The following ROR1 variants were observed in gnomAD, a reference collection of about 807,000 sequenced individuals.
The protein encoded by ROR1 is inactive tyrosine-protein kinase transmembrane receptor ROR1.
ROR1 carries 19 observed loss-of-function variants against 78.8 expected under a neutral mutation model. The ratio of observed to expected loss-of-function variants is 0.24; its 90% CI spans 0.17 to 0.35. ROR1 has a LOEUF of 0.35. ROR1 is among the 10% of genes least tolerant of loss of function. The pLI, the probability that ROR1 is intolerant of heterozygous loss-of-function variation, is 1.00. For missense variants in ROR1, 917 were observed against 1,177.8 expected (o/e 0.78, Z 3.24); for synonymous variants, 386 against 433.6 (o/e 0.89, Z 1.36).
At chr1:63,917,799 G>A (rs929930991) in intron 1 of ROR1, among the ~76,000 whole-genome samples, 1 of 152,152 alleles carries the variant, frequency 6.6e-6, no homozygotes, top group Admixed American at 6.5e-5. Context: ...GTTGCCACCT[G>A]CCCCTGGTGG....
At chr1:63,998,033 A>G (rs1237619653) in intron 1 of ROR1, among the ~76,000 whole-genome samples, 2 of 152,118 alleles carry the variant, frequency 1.3e-5, no homozygotes, top group East Asian at 3.9e-4. Flanking sequence ...GCTGGTGTGT[A>G]ACAGAGCTGG....
chr1:63,801,891 T>C (rs1005138607), intron 1 of ROR1, among the ~76,000 whole-genome samples: 10 of 152,220 alleles, frequency 6.6e-5, no homozygotes, highest in Non-Finnish European at 1.0e-4. Flanking sequence ...ACCTAACCTG[T>C]AATACATTTT....
At chr1:63,882,960 G>A (rs1317909639) in intron 1 of ROR1, among the ~76,000 whole-genome samples, 1 of 152,146 alleles carries the variant, frequency 6.6e-6, no homozygotes, top group African/African-American at 2.4e-5. Context: ...AAGATAATCA[G>A]TAGCCTAGCA....
At chr1:63,970,062 T>C (rs1279968418) in intron 1 of ROR1, among the ~76,000 whole-genome samples, 1 of 152,218 alleles carries the variant, frequency 6.6e-6, no homozygotes, top group Non-Finnish European at 1.5e-5. Context: ...GTTTAGAATG[T>C]TCTCTCCCTT....
At position 64,179,925 on chromosome 1, in the gene ROR1, T is replaced by A. The variant is rs1650504886; in HGVS notation, c.*1070T>A. On this transcript the variant is annotated 3_prime_UTR_variant, in exon 9 of 9. Coordinates refer to ENST00000371079, the MANE Select transcript of ROR1 (RefSeq NM_005012.4). Reference sequence around the variant, plus strand: ...CTAGTAATTTTAAAGTTTCTTTCCCTTTTTTTCTGTGCTGGAAATGTTCAC... The same window carrying A: ...CTAGTAATTTTAAAGTTTCTTTCCCATTTTTTCTGTGCTGGAAATGTTCAC... 1 of 152,166 alleles carries A rather than the reference T, an allele frequency of 6.6e-6. No homozygotes were observed. Among genetic ancestry groups the A allele is most frequent in the Non-Finnish European group, 1.5e-5 (1 of 68,026 alleles). 9.4% of individuals were successfully genotyped at this position (152,166 alleles called of 1,614,324 possible).
chr1:64,089,263 G>T (rs1371448326), intron 4 of ROR1, among the ~76,000 whole-genome samples: 1 of 151,806 alleles, frequency 6.6e-6, no homozygotes, highest in African/African-American at 2.4e-5. Context: ...AGGCTGGAGT[G>T]TAGTGGCATA....
chr1:64,055,197 A>T (rs1646864737), intron 4 of ROR1, among the ~76,000 whole-genome samples: 2 of 152,074 alleles, frequency 1.3e-5, no homozygotes, highest in Admixed American at 6.6e-5. Flanking sequence ...GCCATGCAAA[A>T]CTCTTGCAAA....
chr1:64,119,004 G>GTCA (rs1648424142), intron 4 of ROR1, among the ~76,000 whole-genome samples: 1 of 152,202 alleles, frequency 6.6e-6, no homozygotes, highest in African/African-American at 2.4e-5. Context: ...ACCTTGACAG[G>GTCA]TCATCTCTGG....
At chr1:63,995,829 A>T (rs1646332755) in intron 1 of ROR1, among the ~76,000 whole-genome samples, 1 of 152,220 alleles carries the variant, frequency 6.6e-6, no homozygotes, top group Non-Finnish European at 1.5e-5. Context: ...AAGATTGGTT[A>T]GGCGGTTCTC....
At chr1:63,917,973 G>A (rs968886047) in intron 1 of ROR1, among the ~76,000 whole-genome samples, 9 of 152,172 alleles carry the variant, frequency 5.9e-5, no homozygotes, top group Non-Finnish European at 4.4e-5. Context: ...CTAGTGATGG[G>A]CAGAGAGGAT....
intron 1 of ROR1, among the ~76,000 whole-genome samples, chr1:63,818,091 A>C (rs1644903082): frequency 6.6e-6 from 1 of 152,202 alleles, no homozygotes; most frequent in Admixed American, 6.5e-5. Context: ...GAATACTGAG[A>C]TGCAAAAAGA....
intron 2 of ROR1, among the ~76,000 whole-genome samples, chr1:64,042,894 CCTAA>C (rs879374691): frequency 9.8e-5 from 15 of 152,342 alleles, no homozygotes; most frequent in Non-Finnish European, 1.9e-4. Context: ...AATGCGATGA[CCTAA>C]CTGTGTTTGG....
chr1:63,932,616 A>G (rs1293621043), intron 1 of ROR1, among the ~76,000 whole-genome samples: 1 of 152,154 alleles, frequency 6.6e-6, no homozygotes. Context: ...GTTTACACAC[A>G]TTACCTTACC....
rs141249422 is a variant in ROR1, at chr1:64,078,313, G to A, written c.482+27597G>A. On this transcript the variant is annotated intron_variant, in intron 4 of 8. Coordinates refer to ENST00000371079, the MANE Select transcript of ROR1 (RefSeq NM_005012.4). ...CTAGACAAGCAGGGGAGATCATTGC[G>A]GGCACAGGAAACAAAAATGATCTGT... 1.6e-3 allele frequency among the ~76,000 whole-genome samples: 248 copies of A among 152,278 alleles called. 7 individuals are homozygous for A. The South Asian group carries it at 0.033, about 20-fold the overall frequency.
intron 1 of ROR1, among the ~76,000 whole-genome samples, chr1:63,935,879 C>A (rs1475297968): frequency 2.6e-5 from 4 of 152,164 alleles, no homozygotes; most frequent in African/African-American, 9.7e-5. Flanking sequence ...CAGGAACATC[C>A]ACACTTGTGA....
intron 4 of ROR1, among the ~76,000 whole-genome samples, chr1:64,130,630 G>A (rs181384301): frequency 2.0e-5 from 3 of 152,272 alleles, no homozygotes; most frequent in East Asian, 1.9e-4. Context: ...GTTAACTAAG[G>A]TTGCTTCCAG....
intron 1 of ROR1, among the ~76,000 whole-genome samples, chr1:63,960,455 T>G (rs930378683): frequency 2.0e-5 from 3 of 152,196 alleles, no homozygotes; most frequent in African/African-American, 7.2e-5. Context: ...ATCAGCCACT[T>G]GAATAAAATG....
At chr1:63,881,905 T>G (rs972803872) in intron 1 of ROR1, among the ~76,000 whole-genome samples, 3 of 152,168 alleles carry the variant, frequency 2.0e-5, no homozygotes, top group Non-Finnish European at 4.4e-5. Flanking sequence ...ATTAGAACAA[T>G]CTTCCTTGAG....
At chr1:64,170,125 C>T (rs1392182144) in intron 8 of ROR1, among the ~76,000 whole-genome samples, 2 of 152,326 alleles carry the variant, frequency 1.3e-5, no homozygotes, top group Non-Finnish European at 1.5e-5. Context: ...CTAGGCAGTG[C>T]CCCATTAGGG....
Sources: gnomAD v4.1 joint callset for allele counts (sites outside exome capture counted in the v4.1 genomes callset) on GRCh38, gnomAD v4.1.1 for gene constraint, MANE v1.5 for transcripts, NCBI Gene and HGNC (gene_info 2026-07-23, HGNC 2026-07-21) for gene names.